Variants in PRKCE observed in about 807,000 individuals in gnomAD.
The protein encoded by PRKCE is protein kinase C epsilon.
Under a neutral mutation model 85.4 loss-of-function variants are expected in PRKCE, and 16 were observed. That is an observed-to-expected ratio of 0.19 (90% CI 0.13 to 0.28). PRKCE has a LOEUF of 0.28. Among genes scored for constraint, PRKCE ranks in the 10% least tolerant of loss-of-function variants. The pLI is 1.00. For missense variants in PRKCE, 573 were observed against 975.2 expected (o/e 0.59, Z 5.49); for synonymous variants, 388 against 371.5 (o/e 1.04, Z -0.51).
chr2:45,667,350 G>T (rs1675964260), intron 1 of PRKCE, among the ~76,000 whole-genome samples: 1 of 152,052 alleles, frequency 6.6e-6, no homozygotes, highest in Non-Finnish European at 1.5e-5. Context: ...GTCTCACTGT[G>T]TTCCCCAGGC....
chr2:46,172,466 TGGGCCTGGGCAGGCCTGGGC>T (rs918334429), intron 14 of PRKCE, among the ~76,000 whole-genome samples: 8 of 151,296 alleles, frequency 5.3e-5, no homozygotes, highest in African/African-American at 1.5e-4. Context: ...TGTATAGGTG[TGGGCCTGGGCAGGCCTGGGC>T]GGGCCTGGGC....
chr2:46,037,186 G>GC (rs1368324008), intron 10 of PRKCE, among the ~76,000 whole-genome samples: 1 of 152,214 alleles, frequency 6.6e-6, no homozygotes, highest in African/African-American at 2.4e-5. Context: ...TCTGCGGTCT[G>GC]CAGGAATTCT....
At chr2:46,030,881 G>A (rs1226856905) in intron 10 of PRKCE, among the ~76,000 whole-genome samples, 1 of 152,158 alleles carries the variant, frequency 6.6e-6, no homozygotes, top group Non-Finnish European at 1.5e-5. Context: ...TCTTCTCCGT[G>A]AAGACAGTTT....
chr2:46,099,475 A>T lies in PRKCE; in HGVS notation c.1592+13113A>T, dbSNP rs115036893. 5.7e-3 allele frequency among the ~76,000 whole-genome samples: 866 copies of T among 150,704 alleles called. 4 individuals are homozygous for T. Among genetic ancestry groups the T allele is most frequent in the African/African-American group, 0.021 (843 of 40,902 alleles). ...CTGTACCTTTGCTTAGGAATACCAT[A>T]CCTTTTCCTGGAATAAGGTATGGTA... On this transcript the variant is annotated intron_variant, in intron 11 of 14. Coordinates refer to ENST00000306156, the MANE Select transcript of PRKCE (RefSeq NM_005400.3).
intron 10 of PRKCE, among the ~76,000 whole-genome samples, chr2:46,017,187 C>T (rs988907799): frequency 6.6e-6 from 1 of 152,154 alleles, no homozygotes; most frequent in African/African-American, 2.4e-5. Context: ...AACCCTGAAA[C>T]TCAATACCCA....
chr2:45,761,327 A>AG (rs1491507168), intron 1 of PRKCE, among the ~76,000 whole-genome samples: 1 of 6,570 alleles, frequency 1.5e-4, no homozygotes, highest in Non-Finnish European at 5.7e-4. Context: ...ACTCCATCTC[A>AG]AAAAAAAAAA....
intron 11 of PRKCE, among the ~76,000 whole-genome samples, chr2:46,126,444 C>T (rs1452330452): frequency 6.6e-6 from 1 of 152,068 alleles, no homozygotes; most frequent in Non-Finnish European, 1.5e-5. Flanking sequence ...CCCACATGGA[C>T]TCCCATGGGG....
At chr2:46,013,779 A>G (rs1428707746) in intron 10 of PRKCE, among the ~76,000 whole-genome samples, 1 of 152,216 alleles carries the variant, frequency 6.6e-6, no homozygotes, top group African/African-American at 2.4e-5. Context: ...TTTTCAATAT[A>G]TCGGAAAAAA....
intron 10 of PRKCE, among the ~76,000 whole-genome samples, chr2:46,022,746 G>C (rs1706771114): frequency 6.6e-6 from 1 of 152,348 alleles, no homozygotes; most frequent in South Asian, 2.1e-4. Flanking sequence ...CTAGCACACA[G>C]AAGGTTCAAT....
intron 1 of PRKCE, among the ~76,000 whole-genome samples, chr2:45,807,061 G>T (rs1688300042): frequency 6.6e-6 from 1 of 152,226 alleles, no homozygotes. Flanking sequence ...GGGATTCAGG[G>T]CTGGCACGGG....
chr2:45,824,649 A>G (rs537917765), intron 1 of PRKCE, among the ~76,000 whole-genome samples: 1 of 152,154 alleles, frequency 6.6e-6, no homozygotes, highest in South Asian at 2.1e-4. Flanking sequence ...TTATTATGGA[A>G]AATTTCAAAC....
At chr2:46,057,055 A>G (rs1439682493) in intron 10 of PRKCE, among the ~76,000 whole-genome samples, 1 of 151,886 alleles carries the variant, frequency 6.6e-6, no homozygotes, top group Non-Finnish European at 1.5e-5. Flanking sequence ...CTCTCTCTCT[A>G]TGGAGTCTCA....
rs367840943 is a variant in PRKCE at position 46,052,851 on chromosome 2, A to G, written c.1438-33357A>G. 9.9e-5 allele frequency among the ~76,000 whole-genome samples: 15 copies of G among 151,326 alleles called. No homozygotes were observed. In the East Asian group the frequency reaches 2.9e-3, roughly 29 times the overall value. Reference sequence around the variant, plus strand: ...TTGAGAGTTCAGAAATGAACACTTAACCTTTATCATCAATTGATTTCCAAG... The same window carrying G: ...TTGAGAGTTCAGAAATGAACACTTAGCCTTTATCATCAATTGATTTCCAAG... On this transcript the variant is annotated intron_variant, in intron 10 of 14. Transcript: ENST00000306156.
chr2:45,991,842 G>T (rs774897691), intron 6 of PRKCE, among the ~76,000 whole-genome samples: 3 of 152,120 alleles, frequency 2.0e-5, no homozygotes. Context: ...CCTTTTCATT[G>T]ACGTTTAATT....
intron 2 of PRKCE, among the ~76,000 whole-genome samples, chr2:45,943,862 C>T (rs1395971003): frequency 6.6e-6 from 1 of 152,190 alleles, no homozygotes; most frequent in Non-Finnish European, 1.5e-5. Flanking sequence ...AGTGACCGCG[C>T]AGTGAAACTG....
chr2:45,834,858 C>A (rs910490069), intron 1 of PRKCE, among the ~76,000 whole-genome samples: 2 of 152,324 alleles, frequency 1.3e-5, no homozygotes, highest in East Asian at 1.9e-4. Context: ...AAAAGGCTTT[C>A]TATAACATTT....
At chr2:45,717,894 G>A (rs72801207) in intron 1 of PRKCE, among the ~76,000 whole-genome samples, 16,532 of 152,206 alleles carry the variant, frequency 0.11, 1,004 homozygotes, top group East Asian at 0.16. Flanking sequence ...ACTGGCATTT[G>A]TGCCCCAGCC....
intron 1 of PRKCE, among the ~76,000 whole-genome samples, chr2:45,700,289 C>G (rs1572983532): frequency 6.6e-6 from 1 of 151,838 alleles, no homozygotes; most frequent in East Asian, 1.9e-4. Flanking sequence ...TGAAGTAACC[C>G]CCAAAGAAAT....
At chr2:45,835,594 TTTG>T (rs1487541732) in intron 1 of PRKCE, among the ~76,000 whole-genome samples, 38 of 84,736 alleles carry the variant, frequency 4.5e-4, no homozygotes, top group African/African-American at 1.8e-3. Context: ...CGGTAGTATA[TTTG>T]TTTTTTTTTT....
Sources: gnomAD v4.1 joint callset for allele counts (sites outside exome capture counted in the v4.1 genomes callset) on GRCh38, gnomAD v4.1.1 for gene constraint, MANE v1.5 for transcripts, NCBI Gene and HGNC (gene_info 2026-07-23, HGNC 2026-07-21) for gene names.